ZNF804B: variants seen among roughly 807,000 people sequenced by gnomAD.
The protein encoded by ZNF804B is zinc finger 804B.
A neutral mutation model predicts 101.4 loss-of-function variants in ZNF804B; 80 were observed. The observed-to-expected ratio is 0.79, with a 90% CI of 0.66 to 0.95. The LOEUF is 0.95. ZNF804B is among the 40% of genes least tolerant of loss of function. The pLI, the probability that ZNF804B is intolerant of heterozygous loss-of-function variation, is 0.00. For synonymous variants in ZNF804B, 622 were observed against 558.8 expected (o/e 1.11, Z -1.59); for missense variants, 1,673 against 1,561.9 (o/e 1.07, Z -1.20).
intron 1 of ZNF804B, among the ~76,000 whole-genome samples, chr7:88,763,333 AC>A (rs1789926252): frequency 6.6e-6 from 1 of 152,126 alleles, no homozygotes; most frequent in Non-Finnish European, 1.5e-5. Flanking sequence ...AAAGCATTTT[AC>A]CCCCAAACAG....
At chr7:89,125,911 C>T (rs548912940) in intron 1 of ZNF804B, among the ~76,000 whole-genome samples, 2 of 152,120 alleles carry the variant, frequency 1.3e-5, no homozygotes, top group Admixed American at 1.3e-4. Flanking sequence ...GCTACATGCT[C>T]AAGACTGTAG....
chr7:89,322,911 T>C (rs1196152954), intron 2 of ZNF804B, among the ~76,000 whole-genome samples: 1 of 152,218 alleles, frequency 6.6e-6, no homozygotes, highest in Non-Finnish European at 1.5e-5. Context: ...AAACATTCTC[T>C]AACTCATTTT....
chr7:88,904,590 A>G (rs1308346930), intron 1 of ZNF804B, among the ~76,000 whole-genome samples: 1 of 152,094 alleles, frequency 6.6e-6, no homozygotes, highest in Admixed American at 6.6e-5. Context: ...TGAGCATGGA[A>G]TATTTTTTAT....
chr7:89,141,833 G>T (rs533228034), intron 1 of ZNF804B, among the ~76,000 whole-genome samples: 1 of 151,302 alleles, frequency 6.6e-6, no homozygotes, highest in Non-Finnish European at 1.5e-5. Context: ...CAATATCTAG[G>T]AGGGGACTTC....
intron 1 of ZNF804B, among the ~76,000 whole-genome samples, chr7:88,870,400 A>AAAAAAAAAAAAAGAAAAAG (rs781332488): frequency 8.9e-6 from 1 of 112,674 alleles, no homozygotes; most frequent in Non-Finnish European, 1.8e-5. Context: ...AAAAAAAAAA[A>AAAAAAAAAAAAAGAAAAAG]AAAAAAAGGT....
intron 1 of ZNF804B, among the ~76,000 whole-genome samples, chr7:89,190,418 T>C (rs753010802): frequency 1.3e-5 from 2 of 151,826 alleles, no homozygotes; most frequent in Non-Finnish European, 2.9e-5. Flanking sequence ...CTTAATAAAA[T>C]TTTAACAGAC....
intron 2 of ZNF804B, among the ~76,000 whole-genome samples, chr7:89,322,627 G>T (rs1790836932): frequency 6.6e-6 from 1 of 151,898 alleles, no homozygotes; most frequent in African/African-American, 2.4e-5. Flanking sequence ...AGAATAAAAA[G>T]AAAATTTTTG....
chr7:88,875,849 C>T (rs371823952), intron 1 of ZNF804B, among the ~76,000 whole-genome samples: 1 of 152,116 alleles, frequency 6.6e-6, no homozygotes. Flanking sequence ...TGGGCAGAGA[C>T]ACAACCAAAA....
At chr7:89,064,762 C>A (rs1005476545) in intron 1 of ZNF804B, among the ~76,000 whole-genome samples, 1 of 152,126 alleles carries the variant, frequency 6.6e-6, no homozygotes, top group Non-Finnish European at 1.5e-5. Context: ...CTCATCCTCC[C>A]TGAATGTTGG....
At chr7:89,316,091 T>G (rs2115956764) in intron 2 of ZNF804B, among the ~76,000 whole-genome samples, 1 of 152,278 alleles carries the variant, frequency 6.6e-6, no homozygotes, top group East Asian at 1.9e-4. Flanking sequence ...GACTTAATAT[T>G]AATTCTGTTG....
intron 1 of ZNF804B, among the ~76,000 whole-genome samples, chr7:89,050,022 C>T (rs1318208494): frequency 6.6e-6 from 1 of 151,920 alleles, no homozygotes; most frequent in African/African-American, 2.4e-5. Flanking sequence ...AAAACAAAAA[C>T]GAAAACAAAA....
At chr7:88,772,328 C>T (rs557554259) in intron 1 of ZNF804B, among the ~76,000 whole-genome samples, 2 of 152,216 alleles carry the variant, frequency 1.3e-5, no homozygotes, top group African/African-American at 4.8e-5. Flanking sequence ...TAGTAGGTCA[C>T]TTTACTGTGG....
In ZNF804B at chr7:89,336,049, G is replaced by A. The variant is rs773377651; in HGVS notation, c.3067G>A (p.Asp1023Asn). 3.1e-6 allele frequency: 5 copies of A among 1,613,908 alleles called. No individual in the cohort carries two copies. The Admixed American group carries it at 8.3e-5, about 27-fold the overall frequency. Reference sequence around the variant, plus strand: ...TACAATTTTAGCAGACACTGATTGTGATAACCATCTTTCTAAAGGTATAAT... The same window carrying A: ...TACAATTTTAGCAGACACTGATTGTAATAACCATCTTTCTAAAGGTATAAT... ...NFTILADTDC[D>N]NHLSKGIIHL... The change falls in exon 4 of 4, where the codon GAT becomes AAT. Residue 1023 changes from aspartate (D) to asparagine (N), a missense_variant. Physicochemically the swap from Asp to Asn is conservative, Grantham distance 23. Coordinates refer to ENST00000333190, the MANE Select transcript of ZNF804B (RefSeq NM_181646.5).
At chr7:89,319,061 T>TAAG (rs779591736) in intron 2 of ZNF804B, among the ~76,000 whole-genome samples, 42 of 152,150 alleles carry the variant, frequency 2.8e-4, no homozygotes, top group Middle Eastern at 3.2e-3. Flanking sequence ...GTCTGTGGCT[T>TAAG]AAGAATGCCT....
intron 2 of ZNF804B, among the ~76,000 whole-genome samples, chr7:89,316,705 G>C (rs1460187240): frequency 6.6e-6 from 1 of 152,088 alleles, no homozygotes; most frequent in Non-Finnish European, 1.5e-5. Context: ...TGAAATGAAA[G>C]GCTAATGATG....
At chr7:89,134,312 A>G (rs1790597864) in intron 1 of ZNF804B, among the ~76,000 whole-genome samples, 1 of 152,062 alleles carries the variant, frequency 6.6e-6, no homozygotes, top group Non-Finnish European at 1.5e-5. Context: ...AAAAATTAGG[A>G]GACTTGAGGT....
chr7:89,189,109 A>G (rs1788417699), intron 1 of ZNF804B, among the ~76,000 whole-genome samples: 1 of 152,124 alleles, frequency 6.6e-6, no homozygotes, highest in Non-Finnish European at 1.5e-5. Context: ...GCCAGCATTC[A>G]TTTACCATTC....
intron 1 of ZNF804B, among the ~76,000 whole-genome samples, chr7:88,782,672 T>C (rs1790248226): frequency 6.6e-6 from 1 of 152,114 alleles, no homozygotes; most frequent in Non-Finnish European, 1.5e-5. Flanking sequence ...ATAAAGTAAT[T>C]ACTTATGTTT....
chr7:89,009,895 A>C (rs1265094024), intron 1 of ZNF804B, among the ~76,000 whole-genome samples: 1 of 152,228 alleles, frequency 6.6e-6, no homozygotes, highest in African/African-American at 2.4e-5. Context: ...CAGTGTTAAC[A>C]CATCTTTCCA....
Sources: gnomAD v4.1 joint callset for allele counts (sites outside exome capture counted in the v4.1 genomes callset) on GRCh38, gnomAD v4.1.1 for gene constraint, MANE v1.5 for transcripts, NCBI Gene and HGNC (gene_info 2026-07-23, HGNC 2026-07-21) for gene names.